Variants in CTNND2 observed in about 807,000 individuals in gnomAD.
CTNND2 encodes catenin delta 2.
Under a neutral mutation model 144.4 loss-of-function variants are expected in CTNND2, and 22 were observed. The ratio of observed to expected loss-of-function variants is 0.15; its 90% CI spans 0.11 to 0.22. CTNND2 has a LOEUF of 0.22. Among genes scored for constraint, CTNND2 ranks in the 10% least tolerant of loss-of-function variants. CTNND2 has a pLI of 1.00. For synonymous variants in CTNND2, 751 were observed against 695.6 expected (o/e 1.08, Z -1.25); for missense variants, 1,353 against 1,618.8 (o/e 0.84, Z 2.82).
intron 1 of CTNND2, among the ~76,000 whole-genome samples, chr5:11,816,524 T>TGTTAGC (rs1317568089): frequency 6.7e-6 from 1 of 149,402 alleles, no homozygotes; most frequent in Non-Finnish European, 1.5e-5. Context: ...GGTTGGCTGG[T>TGTTAGC]GTTAGCATAA....
intron 1 of CTNND2, among the ~76,000 whole-genome samples, chr5:11,825,214 A>G (rs1793534832): frequency 6.6e-6 from 1 of 152,216 alleles, no homozygotes; most frequent in South Asian, 2.1e-4. Flanking sequence ...AATATAGAAG[A>G]GGTGGGAACA....
At chr5:11,772,156 T>C (rs902656087) in intron 1 of CTNND2, among the ~76,000 whole-genome samples, 8 of 152,246 alleles carry the variant, frequency 5.3e-5, no homozygotes, top group African/African-American at 1.9e-4. Context: ...TCTAACTAAA[T>C]TAGAAGTTTT....
chr5:11,773,109 G>A (rs1446514518), intron 1 of CTNND2, among the ~76,000 whole-genome samples: 6 of 152,174 alleles, frequency 3.9e-5, no homozygotes, highest in Admixed American at 3.9e-4. Context: ...AATGCCAGTG[G>A]AGCCCAATAA....
chr5:11,316,260 C>T (rs1350591765), intron 9 of CTNND2, among the ~76,000 whole-genome samples: 1 of 152,056 alleles, frequency 6.6e-6, no homozygotes, highest in Non-Finnish European at 1.5e-5. Flanking sequence ...GAGTCTCCCT[C>T]TGTTCCCCAG....
At chr5:11,125,959 T>C (rs1754630909) in intron 12 of CTNND2, among the ~76,000 whole-genome samples, 1 of 152,232 alleles carries the variant, frequency 6.6e-6, no homozygotes, top group Non-Finnish European at 1.5e-5. Flanking sequence ...TCTCTGTCTC[T>C]GTTCATGATG....
intron 18 of CTNND2, 137 bp downstream of exon 18, chr5:11,017,837 C>A: frequency 1.5e-6 from 1 of 672,478 alleles, no homozygotes; most frequent in East Asian, 2.8e-5. Flanking sequence ...TGCCTCTTTT[C>A]TGGCTTCTTC....
intron 21 of CTNND2, among the ~76,000 whole-genome samples, chr5:10,977,782 C>T (rs1486182391): frequency 1.3e-5 from 2 of 152,180 alleles, no homozygotes; most frequent in East Asian, 1.9e-4. Flanking sequence ...GTCTGTAACC[C>T]GTTGACCTCA....
intron 18 of CTNND2, among the ~76,000 whole-genome samples, chr5:10,996,003 G>A (rs952648379): frequency 6.6e-6 from 1 of 152,174 alleles, no homozygotes; most frequent in Non-Finnish European, 1.5e-5. Context: ...GGAAGGGGAC[G>A]GGGATGTGGA....
chr5:11,364,268 T>C (rs1402557863), intron 8 of CTNND2, among the ~76,000 whole-genome samples: 1 of 152,230 alleles, frequency 6.6e-6, no homozygotes, highest in Non-Finnish European at 1.5e-5. Context: ...GCTACATGTT[T>C]AGTAAATATG....
chr5:11,164,718 C>T (rs943210326), intron 11 of CTNND2, among the ~76,000 whole-genome samples: 26 of 152,184 alleles, frequency 1.7e-4, no homozygotes, highest in African/African-American at 5.1e-4. Context: ...CTTCCATTCA[C>T]GTCAACTTAA....
At chr5:11,227,118 T>C (rs901591489) in intron 10 of CTNND2, among the ~76,000 whole-genome samples, 1 of 152,250 alleles carries the variant, frequency 6.6e-6, no homozygotes, top group African/African-American at 2.4e-5. Context: ...ACGTGGATGA[T>C]GAACAATACA....
chr5:11,235,830 A>C (rs1268389028), intron 10 of CTNND2, among the ~76,000 whole-genome samples: 1 of 152,220 alleles, frequency 6.6e-6, no homozygotes, highest in Non-Finnish European at 1.5e-5. Flanking sequence ...GTATATCCCA[A>C]TGCAAGCAAG....
chr5:11,311,998 C>T (rs201870707), intron 9 of CTNND2, among the ~76,000 whole-genome samples: 1,619 of 148,230 alleles, frequency 0.011, 29 homozygotes, highest in East Asian at 0.062. Flanking sequence ...ATATATGCAC[C>T]CCACACACAC....
chr5:11,748,460 G>A (rs1445513743), intron 1 of CTNND2, among the ~76,000 whole-genome samples: 2 of 152,054 alleles, frequency 1.3e-5, no homozygotes, highest in African/African-American at 2.4e-5. Context: ...ACCCTGGTAT[G>A]TGATCAACAA....
At chr5:11,108,752 C>T (rs1752666274) in intron 14 of CTNND2, among the ~76,000 whole-genome samples, 1 of 152,160 alleles carries the variant, frequency 6.6e-6, no homozygotes, top group African/African-American at 2.4e-5. Flanking sequence ...CTCACACCAA[C>T]AGCGCCTTGA....
chr5:11,176,028 T>G (rs1159850840), intron 11 of CTNND2, among the ~76,000 whole-genome samples: 2 of 152,212 alleles, frequency 1.3e-5, no homozygotes, highest in Non-Finnish European at 2.9e-5. Flanking sequence ...TTCATTTCTT[T>G]TGTTATTTTA....
At chr5:11,852,552 C>T (rs1795063988) in intron 1 of CTNND2, among the ~76,000 whole-genome samples, 1 of 152,044 alleles carries the variant, frequency 6.6e-6, no homozygotes, top group South Asian at 2.1e-4. Context: ...GTATCACTGA[C>T]CAAAGAAACA....
At chr5:11,245,879 T>C (rs1174220098) in intron 9 of CTNND2, among the ~76,000 whole-genome samples, 1 of 152,190 alleles carries the variant, frequency 6.6e-6, no homozygotes, top group South Asian at 2.1e-4. Flanking sequence ...GATGTGACTT[T>C]TGATTATGAG....
At chr5:11,215,538 T>C (rs1169655446) in intron 10 of CTNND2, among the ~76,000 whole-genome samples, 2 of 152,156 alleles carry the variant, frequency 1.3e-5, no homozygotes, top group Non-Finnish European at 2.9e-5. Flanking sequence ...AGGTCCATGG[T>C]TGAATATCCA....
Sources: gnomAD v4.1 joint callset for allele counts (sites outside exome capture counted in the v4.1 genomes callset) on GRCh38, gnomAD v4.1.1 for gene constraint, MANE v1.5 for transcripts, NCBI Gene and HGNC (gene_info 2026-07-23, HGNC 2026-07-21) for gene names.